The following GRIP2 variants were observed in gnomAD, a reference collection of about 807,000 sequenced individuals.
The protein encoded by GRIP2 is glutamate receptor interacting protein 2, also known as glutamate receptor-interacting protein 2.
In GRIP2, 58 loss-of-function variants were observed where a neutral mutation model predicts 108.3. The observed-to-expected ratio is 0.54, with a 90% confidence interval of 0.43 to 0.67. The LOEUF is 0.67. GRIP2 is among the 30% of genes least tolerant of loss of function. The pLI, the probability that GRIP2 is intolerant of heterozygous loss-of-function variation, is 0.00. For missense variants in GRIP2, 1,278 were observed against 1,430.6 expected, an observed-to-expected ratio of 0.89 and a Z score of 1.72; for synonymous variants, 586 against 598.2, an observed-to-expected ratio of 0.98 and a Z score of 0.30.
rs1466097576 is a variant in GRIP2 at position 14,523,107 on chromosome 3, T to C, written c.491-32A>G. ...AGGATTTGACAAGAAGCAGGAATCA[T>C]CCACCCACCCCTTCCCATCCAGAGG... On this transcript the variant is annotated intron_variant, in intron 5 of 23. Transcript: ENST00000621039. The C allele has an allele frequency of 2.0e-6, 3 of 1,535,524 alleles. No homozygotes were observed. The African/African-American group carries it at 4.1e-5, about 21-fold the overall frequency.
intron 21 of GRIP2, among the ~76,000 whole-genome samples, chr3:14,502,450 C>T (rs750711600): frequency 6.6e-6 from 1 of 151,232 alleles, no homozygotes; most frequent in African/African-American, 2.4e-5. Flanking sequence ...GCCGAGATTG[C>T]ACCACTGTAC....
Position 14,512,896 on chromosome 3 carries a change from A to G in GRIP2, c.1640-39T>C. ...GACATAAACCGACGTGAGGACCCAGAGGAGGAGCCTCAGCGAACCCCAGCC... is the reference window on the plus strand; with the variant it reads ...GACATAAACCGACGTGAGGACCCAGGGGAGGAGCCTCAGCGAACCCCAGCC... On this transcript the variant is annotated intron_variant, in intron 13 of 23. Transcript: ENST00000621039. This position sits in a 1 kb window ranked among gnomAD's most constrained non-coding sequence, Gnocchi z 5.1. 14 of 1,586,936 alleles carry G rather than the reference A, an allele frequency of 8.8e-6. No individual in the cohort carries two copies. The highest frequency in any genetic ancestry group is 1.2e-5 in the Non-Finnish European group (14 of 1,155,518).
Position 14,517,494 on chromosome 3 carries a change from C to CTTTTTTT in GRIP2, c.1156+271_1156+277dup, listed in dbSNP as rs146509076. 6.5e-5 allele frequency among the ~76,000 whole-genome samples: 7 copies of CTTTTTTT among 107,754 alleles called. 2 individuals are homozygous for CTTTTTTT. Among genetic ancestry groups the CTTTTTTT allele is most frequent in the Non-Finnish European group, 1.8e-5 (1 of 55,730 alleles). The allele number at this position is 107,754 out of a possible 152,430, so 70.7% of individuals were successfully genotyped here. A position where few individuals can be genotyped will look rare whatever the true frequency, so the allele number is the denominator to read the frequency against. ...GAGGCAGGCCACCTAATCTCTCTCT[C>CTTTTTTT]TTTTTTTTTTTTTTTTTTTTTTTTT... On this transcript the variant is annotated intron_variant, in intron 10 of 23. Transcript: ENST00000621039.
At chr3:14,502,535 G>T (rs549927580) in intron 21 of GRIP2, among the ~76,000 whole-genome samples, 55 of 151,080 alleles carry the variant, frequency 3.6e-4, no homozygotes, top group Non-Finnish European at 5.3e-4. Flanking sequence ...AACCAAATTG[G>T]AAAAAAAGAC....
chr3:14,541,894 T>C (rs776542294), upstream of GRIP2: 22 of 1,338,970 alleles, frequency 1.6e-5, no homozygotes, highest in Non-Finnish European at 2.0e-6. Context: ...ACCGGTACCC[T>C]GGCAGTGGTC....
the GRIP2 span, among the ~76,000 whole-genome samples, chr3:14,582,850 T>C: frequency 6.6e-6 from 1 of 152,246 alleles, no homozygotes; most frequent in South Asian, 2.1e-4. Flanking sequence ...GCTTGCCCAT[T>C]AGAACTTAAG....
In GRIP2 at chr3:14,494,960, A is replaced by G. The variant is rs1272247647; in HGVS notation, c.2853T>C (p.His951=). The change falls in exon 23 of 24, where the codon CAT becomes CAC. Residue 951 remains histidine, a synonymous_variant. Coordinates refer to ENST00000621039, the MANE Select transcript of GRIP2 (RefSeq NM_001080423.4). ...CATCTGAGACGCTGAAACCAAAGTC[A>G]TGCCGCATGGGGTCCTTGTGCAGGG... ...KVTLHKDPMR[H]DFGFSVSDGL... 4 of 1,613,840 alleles carry G rather than the reference A, an allele frequency of 2.5e-6. No individual in the cohort carries two copies. Among genetic ancestry groups the G allele is most frequent in the Non-Finnish European group, 2.5e-6 (3 of 1,179,864 alleles).
intron 9 of GRIP2, 132 bp from the exon 10 acceptor site, chr3:14,518,029 C>T (rs1281416148): frequency 3.6e-6 from 4 of 1,102,472 alleles, no homozygotes; most frequent in Non-Finnish European, 5.1e-6. Flanking sequence ...GTATTCTGCT[C>T]ACATGTCCCG....
the GRIP2 span, among the ~76,000 whole-genome samples, chr3:14,590,614 G>C: frequency 5.9e-5 from 9 of 152,304 alleles, no homozygotes; most frequent in South Asian, 2.1e-4. Context: ...GGGTCGCCCT[G>C]CCTCCACTTG....
intron 21 of GRIP2, among the ~76,000 whole-genome samples, chr3:14,499,959 T>C (rs1693723344): frequency 6.6e-6 from 1 of 152,206 alleles, no homozygotes; most frequent in Non-Finnish European, 1.5e-5. Context: ...AAAGCTATCC[T>C]GGGCTACATG....
chr3:14,587,325 G>A, the GRIP2 span, among the ~76,000 whole-genome samples: 3 of 152,274 alleles, frequency 2.0e-5, no homozygotes, highest in Admixed American at 2.0e-4. Context: ...CCATGAAACT[G>A]GCCAACAGGA....
At chr3:14,525,406 C>T (rs762391021) in intron 3 of GRIP2, 31 bp downstream of exon 3, 27 of 1,606,838 alleles carry the variant, frequency 1.7e-5, no homozygotes, top group Middle Eastern at 1.6e-4. Context: ...CTGCACCCCC[C>T]TCCTGCGGCC....
the GRIP2 span, chr3:14,573,932 G>T: frequency 2.0e-5 from 22 of 1,105,892 alleles, no homozygotes. Context: ...AGTGCTTCTC[G>T]TGCTCGCGCC....
At position 14,509,941 on chromosome 3, in the gene GRIP2, C is replaced by G. The variant is rs746354259; in HGVS notation, c.1957G>C (p.Val653Leu). 1 of 1,533,394 alleles carries G rather than the reference C, an allele frequency of 6.5e-7. No homozygotes were observed. Among genetic ancestry groups the G allele is most frequent in the African/African-American group, 1.4e-5 (1 of 72,906 alleles). 95.0% of individuals were successfully genotyped at this position (1,533,394 alleles called of 1,614,324 possible). A position where few individuals can be genotyped will look rare whatever the true frequency, so the allele number is the denominator to read the frequency against. ...CGCTTCAGCTCCACTGTGTAACTGA[C>G]GGCACCTGTGGTCTCCAGCTCATCT... ...NSDELETTGA[V>L]SYTVELKRYG... is the part of the protein sequence containing the mutation. Residue 653 changes from valine to leucine, a missense_variant, in exon 17 of 24, where the codon GTC becomes CTC. Val to Leu is a conservative substitution (Grantham distance 32). Coordinates refer to ENST00000621039, the MANE Select transcript of GRIP2 (RefSeq NM_001080423.4).
chr3:14,537,845 A>G (rs1240773543), intron 1 of GRIP2, among the ~76,000 whole-genome samples: 1 of 152,204 alleles, frequency 6.6e-6, no homozygotes, highest in African/African-American at 2.4e-5. Context: ...GCTCAGACCT[A>G]GCAGGCCTGG....
chr3:14,555,022 T>C (rs1559357110), intron 1 of GRIP2, among the ~76,000 whole-genome samples: 1 of 152,114 alleles, frequency 6.6e-6, no homozygotes, highest in Admixed American at 6.5e-5. Flanking sequence ...GATGGAGACA[T>C]GGCAGCAAAG....
upstream of GRIP2, among the ~76,000 whole-genome samples, chr3:14,560,310 C>T (rs148970343): frequency 1.1e-3 from 164 of 152,296 alleles, no homozygotes; most frequent in African/African-American, 3.7e-3. Context: ...ATACAGTATA[C>T]AGTCAATATG....
the GRIP2 span, among the ~76,000 whole-genome samples, chr3:14,584,988 G>A: frequency 6.6e-6 from 1 of 152,218 alleles, no homozygotes; most frequent in African/African-American, 2.4e-5. Context: ...CTGAGGCAAG[G>A]CACTCACACA....
the GRIP2 span, among the ~76,000 whole-genome samples, chr3:14,570,859 G>T: frequency 5.3e-5 from 8 of 152,336 alleles, no homozygotes; most frequent in African/African-American, 1.4e-4. Context: ...TAAAAGTTCT[G>T]CTTTTGAAAT....
Sources: allele counts gnomAD v4.1 joint callset (sites outside exome capture counted in the v4.1 genomes callset), GRCh38; gene constraint gnomAD v4.1.1; non-coding constraint Gnocchi (gnomAD v3.1); transcripts MANE v1.5; gene names NCBI Gene and HGNC (gene_info 2026-07-23, HGNC 2026-07-21).